CSMD2: variants seen among roughly 807,000 people sequenced by gnomAD.
CSMD2 encodes CUB and Sushi multiple domains 2.
Under a neutral mutation model 398.5 loss-of-function variants are expected in CSMD2, and 130 were observed. The ratio of observed to expected loss-of-function variants is 0.33; its 90% CI spans 0.28 to 0.38. The LOEUF is 0.38. Ranked by LOEUF, CSMD2 falls within the 10% of genes least tolerant of loss-of-function variation. The probability of loss-of-function intolerance (pLI) is 1.00; values close to 1 mark genes in which losing one functional copy is unlikely to be tolerated. For missense variants in CSMD2, 3,829 were observed against 4,764.9 expected, an observed-to-expected ratio of 0.80 and a Z score of 5.78; for synonymous variants, 1,828 against 1,908.5, an observed-to-expected ratio of 0.96 and a Z score of 1.10.
At chr1:33,587,711 C>T (rs982593514) in intron 44 of CSMD2, among the ~76,000 whole-genome samples, 3 of 152,162 alleles carry the variant, frequency 2.0e-5, no homozygotes, top group Non-Finnish European at 1.5e-5. Flanking sequence ...ACAAGCTGAC[C>T]CTTCTGATCT....
At chr1:33,924,850 T>C (rs1209438796) in intron 4 of CSMD2, among the ~76,000 whole-genome samples, 1 of 152,210 alleles carries the variant, frequency 6.6e-6, no homozygotes, top group African/African-American at 2.4e-5. Flanking sequence ...TTTTGAAAAA[T>C]GTCTATTCAT....
At chr1:33,888,449 C>T (rs951676920) in intron 5 of CSMD2, among the ~76,000 whole-genome samples, 1 of 152,000 alleles carries the variant, frequency 6.6e-6, no homozygotes, top group East Asian at 1.9e-4. Context: ...AGAAAAAGTC[C>T]AGTTGTAGAA....
At chr1:33,893,608 G>T (rs951173951) in intron 5 of CSMD2, among the ~76,000 whole-genome samples, 3 of 152,216 alleles carry the variant, frequency 2.0e-5, no homozygotes, top group Admixed American at 6.5e-5. Flanking sequence ...GCTCAGCTAT[G>T]CATGAGCTCT....
intron 13 of CSMD2, among the ~76,000 whole-genome samples, chr1:33,744,760 GAATT>G (rs1220939780): frequency 2.0e-5 from 3 of 151,844 alleles, no homozygotes; most frequent in African/African-American, 7.3e-5. Flanking sequence ...AAAGAAAATA[GAATT>G]AATATGACAA....
intron 6 of CSMD2, among the ~76,000 whole-genome samples, chr1:33,832,909 G>T (rs1341301380): frequency 6.6e-6 from 1 of 152,138 alleles, no homozygotes; most frequent in Admixed American, 6.6e-5. Context: ...AGAAGAAATG[G>T]ATAAATTCCT....
intron 15 of CSMD2, among the ~76,000 whole-genome samples, chr1:33,730,199 A>G (rs1036882475): frequency 2.6e-5 from 4 of 152,224 alleles, no homozygotes; most frequent in East Asian, 3.8e-4. Flanking sequence ...GAATAAAAGC[A>G]TGGTAGAGAT....
chr1:33,523,371 A>C lies in CSMD2; in HGVS notation c.10445T>G (p.Ile3482Ser). Residue 3482 changes from isoleucine (I) to serine (S), a missense_variant, in exon 67 of 71, where the codon ATT becomes AGT. Ile to Ser is a moderately radical substitution (Grantham distance 142, BLOSUM62 -2). This residue lies in a region of CSMD2 where 917 missense variants were observed against 1,199.5 expected (regional missense o/e 0.76). Transcript: ENST00000373381. ...DFHLLLQVYQ[I>S]TGPVEIFMNK... ...CATAAAGATCTCCACAGGCCCTGTA[A>C]TCTGGTACACCTGGAGTAGGAGATG... 1.3e-6 allele frequency: 2 copies of C among 1,598,302 alleles called. No homozygotes were observed. The highest frequency in any genetic ancestry group is 1.7e-6 in the Non-Finnish European group (2 of 1,166,350).
chr1:33,587,894 C>T (rs1401533604), intron 44 of CSMD2, among the ~76,000 whole-genome samples: 1 of 152,228 alleles, frequency 6.6e-6, no homozygotes, highest in Non-Finnish European at 1.5e-5. Context: ...GTGTTAGCTG[C>T]TCCTGCTGCC....
At chr1:33,833,056 G>A (rs1324548687) in intron 6 of CSMD2, among the ~76,000 whole-genome samples, 3 of 143,616 alleles carry the variant, frequency 2.1e-5, no homozygotes, top group African/African-American at 5.3e-5. Context: ...ATTCACAGCC[G>A]AATTCTACCA....
intron 44 of CSMD2, among the ~76,000 whole-genome samples, chr1:33,594,927 T>C (rs923767461): frequency 6.6e-6 from 1 of 152,210 alleles, no homozygotes; most frequent in Non-Finnish European, 1.5e-5. Flanking sequence ...TCTTTTTCCA[T>C]GAACCGTTTG....
rs183102276 is a variant in CSMD2, at chr1:34,143,072, C to T, written c.187+21839G>A. Among the ~76,000 whole-genome samples the T allele has an allele frequency of 5.2e-3, 787 of 152,228 alleles. 6 individuals are homozygous for T. Among genetic ancestry groups the T allele is most frequent in the Non-Finnish European group, 9.2e-3 (629 of 68,022 alleles). ...TGATCTTTGGGCAAGTCATCTTATT[C>T]CACCAAATCTCAGACTATGTCTATA... is the stretch of plus-strand genomic sequence containing the variant. On this transcript the variant is annotated intron_variant, in intron 1 of 70. Transcript: ENST00000373381.
intron 10 of CSMD2, among the ~76,000 whole-genome samples, chr1:33,794,988 C>T (rs548507182): frequency 3.3e-5 from 5 of 150,728 alleles, no homozygotes; most frequent in African/African-American, 1.2e-4. Flanking sequence ...GTAGCAAGGT[C>T]TAGATGAAGT....
chr1:34,121,363 G>C (rs186442688), intron 1 of CSMD2, among the ~76,000 whole-genome samples: 1 of 152,162 alleles, frequency 6.6e-6, no homozygotes, highest in Admixed American at 6.5e-5. Flanking sequence ...TCCCTGTCCC[G>C]GGTCTCTTCT....
intron 15 of CSMD2, among the ~76,000 whole-genome samples, chr1:33,726,969 C>T (rs535144466): frequency 6.6e-6 from 1 of 152,248 alleles, no homozygotes; most frequent in Non-Finnish European, 1.5e-5. Context: ...ATATTTGGGC[C>T]ACATGGTGTT....
At chr1:33,802,473 C>T (rs1412911395) in intron 10 of CSMD2, among the ~76,000 whole-genome samples, 2 of 152,186 alleles carry the variant, frequency 1.3e-5, no homozygotes, top group East Asian at 3.9e-4. Context: ...CCACAGCATC[C>T]CTGCTTCTCT....
intron 1 of CSMD2, among the ~76,000 whole-genome samples, chr1:34,106,103 T>C (rs906720913): frequency 1.4e-4 from 21 of 151,900 alleles, no homozygotes; most frequent in African/African-American, 4.8e-4. Flanking sequence ...CAGTAGGGAG[T>C]TGGGGGAGAT....
At chr1:34,165,661 C>A, upstream of CSMD2, 1 of 1,259,430 alleles carries the variant, frequency 7.9e-7, no homozygotes, top group Non-Finnish European at 1.2e-6. Flanking sequence ...CACATACACG[C>A]ACACCTCTTC....
rs764945919 is a variant in CSMD2, at chr1:33,617,556, C to T, written c.5889G>A (p.Glu1963=). ...AVPSNGVKTG[E]RYLVNDVVSF... ...ACACCACATCATTCACCAAGTAGCG[C>T]TCGCCAGTCTTCACCCCGTTACTGG... The change falls in exon 38 of 71, where the codon GAG becomes GAA. Residue 1963 remains glutamate, a synonymous_variant. Transcript: ENST00000373381. The T allele has an allele frequency of 1.2e-6, 2 of 1,614,164 alleles. No homozygotes were observed. The highest frequency in any genetic ancestry group is 1.7e-6 in the Non-Finnish European group (2 of 1,180,024).
In CSMD2 at chr1:33,763,275, A is replaced by C. The variant is rs139597101; in HGVS notation, c.1846+9294T>G. Among the ~76,000 whole-genome samples the C allele has an allele frequency of 1.0e-3, 154 of 152,320 alleles. 1 individual carries two copies. Among genetic ancestry groups the C allele is most frequent in the African/African-American group, 3.6e-3 (148 of 41,572 alleles). ...CAGAACTGACACAAAACTTTCCCCA[A>C]GCAACTGGCATACAGTATGTGTTCC... On this transcript the variant is annotated intron_variant, in intron 13 of 70. Transcript: ENST00000373381.
Sources: gnomAD v4.1 joint callset for allele counts (sites outside exome capture counted in the v4.1 genomes callset) on GRCh38, gnomAD v4.1.1 for gene constraint, gnomAD v4.1.1 regional missense constraint, MANE v1.5 for transcripts, NCBI Gene and HGNC (gene_info 2026-07-23, HGNC 2026-07-21) for gene names.